XYLT1: variants seen among roughly 807,000 people sequenced by gnomAD.
XYLT1 encodes the protein xylosyltransferase 1.
A neutral mutation model predicts 91.3 loss-of-function variants in XYLT1; 36 were observed. That is an observed-to-expected ratio of 0.39 (90% CI 0.30 to 0.52). The LOEUF (loss-of-function observed/expected upper bound fraction) is 0.52. XYLT1 is among the 20% of genes least tolerant of loss of function. The probability of loss-of-function intolerance (pLI) is 0.68; values close to 1 mark genes in which losing one functional copy is unlikely to be tolerated. For synonymous variants in XYLT1, 588 were observed against 532.0 expected, an observed-to-expected ratio of 1.11 and a Z score of -1.45; for missense variants, 1,242 against 1,284.5, an observed-to-expected ratio of 0.97 and a Z score of 0.51.
chr16:17,406,070 A>C (rs2036029577), intron 1 of XYLT1, among the ~76,000 whole-genome samples: 2 of 152,150 alleles, frequency 1.3e-5, no homozygotes, highest in Middle Eastern at 3.2e-3. Context: ...CTGTAATCCC[A>C]GCTATTTGGA....
intron 1 of XYLT1, among the ~76,000 whole-genome samples, chr16:17,447,667 TG>T (rs1010903940): frequency 1.3e-5 from 2 of 152,220 alleles, no homozygotes; most frequent in African/African-American, 4.8e-5. Flanking sequence ...GAGGTGCTTA[TG>T]GGATGCTCTT....
chr16:17,259,861 C>T (rs1216365802), intron 2 of XYLT1, among the ~76,000 whole-genome samples: 1 of 152,082 alleles, frequency 6.6e-6, no homozygotes. Flanking sequence ...GCTGAAAGTG[C>T]TGTGATGGTT....
At chr16:17,226,558 C>T (rs1479187697) in intron 3 of XYLT1, among the ~76,000 whole-genome samples, 4 of 152,134 alleles carry the variant, frequency 2.6e-5, no homozygotes, top group African/African-American at 7.2e-5. Context: ...GAGGCTGAGG[C>T]GGGCAGATCA....
rs1378112906 is a variant in XYLT1, at chr16:17,107,092, G to A, written c.*1603C>T. On this transcript the variant is annotated 3_prime_UTR_variant, in exon 12 of 12. Coordinates refer to ENST00000261381, the MANE Select transcript of XYLT1 (RefSeq NM_022166.4). Reference sequence around the variant, plus strand: ...AAACAGCACCTACTAATTAGTCATCGACTAAAACATGTAAATAATAAATAT... The same window carrying A: ...AAACAGCACCTACTAATTAGTCATCAACTAAAACATGTAAATAATAAATAT... 5 of 152,082 alleles carry A rather than the reference G, an allele frequency of 3.3e-5. No individual in the cohort carries two copies. The highest frequency in any genetic ancestry group is 6.5e-5 in the Admixed American group (1 of 15,278). 9.4% of individuals were successfully genotyped at this position (152,082 alleles called of 1,614,324 possible).
At chr16:17,283,179 C>T (rs978289549) in intron 2 of XYLT1, among the ~76,000 whole-genome samples, 5 of 152,296 alleles carry the variant, frequency 3.3e-5, no homozygotes, top group South Asian at 2.1e-4. Context: ...CAGACTGGCA[C>T]GTCTGGAGGC....
intron 2 of XYLT1, among the ~76,000 whole-genome samples, chr16:17,291,674 C>A (rs1262470714): frequency 1.3e-5 from 2 of 152,118 alleles, no homozygotes; most frequent in Admixed American, 6.6e-5. Flanking sequence ...AGAAGGGGTA[C>A]AGGAATGAAA....
intron 1 of XYLT1, among the ~76,000 whole-genome samples, chr16:17,435,478 G>T (rs886646184): frequency 5.3e-5 from 8 of 152,188 alleles, no homozygotes; most frequent in Non-Finnish European, 1.2e-4. Flanking sequence ...AACGGCAGCT[G>T]CAGTAAACGA....
At position 17,470,577 on chromosome 16, in the gene XYLT1, G is replaced by A. The variant is rs1340160909; in HGVS notation, c.220C>T (p.Pro74Ser). Residue 74 changes from proline to serine, a missense_variant, in exon 1 of 12, where the codon CCG becomes TCG. Pro to Ser is a moderately conservative substitution (Grantham distance 74, BLOSUM62 -1). Transcript: ENST00000261381. Reference sequence around the variant, plus strand: ...CCTCCTCCTCCTCGGGCTGCAGCCGGCTCGGCGGGCAGGTCCCGGCGCTCC... The same window carrying A: ...CCTCCTCCTCCTCGGGCTGCAGCCGACTCGGCGGGCAGGTCCCGGCGCTCC... ...RRERRDLPAE[P>S]AAARGGGGGG... The A allele has an allele frequency of 1.3e-5, 16 of 1,197,222 alleles. No homozygotes were observed. Among genetic ancestry groups the A allele is most frequent in the Admixed American group, 9.0e-5 (2 of 22,266 alleles). The allele number at this position is 1,197,222 out of a possible 1,614,324, so 74.2% of individuals were successfully genotyped here. A position where few individuals can be genotyped will look rare whatever the true frequency, so the allele number is the denominator to read the frequency against.
chr16:17,243,251 T>C (rs2033375725), intron 3 of XYLT1, among the ~76,000 whole-genome samples: 1 of 152,226 alleles, frequency 6.6e-6, no homozygotes, highest in Non-Finnish European at 1.5e-5. Flanking sequence ...AAGACTATCA[T>C]CATTAGGGTG....
chr16:17,391,603 G>A (rs2035820212), intron 1 of XYLT1, among the ~76,000 whole-genome samples: 1 of 152,162 alleles, frequency 6.6e-6, no homozygotes, highest in South Asian at 2.1e-4. Context: ...CCACCACTAT[G>A]CTAACCCAAG....
intron 3 of XYLT1, among the ~76,000 whole-genome samples, chr16:17,209,110 C>A (rs998794614): frequency 3.9e-5 from 6 of 152,208 alleles, no homozygotes; most frequent in African/African-American, 1.4e-4. Context: ...ATCTCCAGAA[C>A]TCTTTTCATC....
chr16:17,314,234 G>A (rs1180723770), intron 2 of XYLT1, among the ~76,000 whole-genome samples: 1 of 152,176 alleles, frequency 6.6e-6, no homozygotes, highest in African/African-American at 2.4e-5. Flanking sequence ...TGGCCCTTAA[G>A]TTAACACGTC....
chr16:17,152,408 G>C (rs2031303312), intron 6 of XYLT1, among the ~76,000 whole-genome samples: 1 of 152,166 alleles, frequency 6.6e-6, no homozygotes, highest in South Asian at 2.1e-4. Flanking sequence ...TTGGGTTTAA[G>C]GAAAGCAAAA....
At chr16:17,213,217 G>A (rs749436969) in intron 3 of XYLT1, among the ~76,000 whole-genome samples, 1 of 152,070 alleles carries the variant, frequency 6.6e-6, no homozygotes, top group East Asian at 1.9e-4. Flanking sequence ...CTCTTGTTCC[G>A]GCCCTGTAAG....
chr16:17,429,932 A>AT (rs34434695), intron 1 of XYLT1, among the ~76,000 whole-genome samples: 9,635 of 119,292 alleles, frequency 0.081, 634 homozygotes, highest in African/African-American at 0.18. Context: ...TCCCATAATA[A>AT]TTTTTTTTTT....
chr16:17,331,785 CTG>C, intron 2 of XYLT1, among the ~76,000 whole-genome samples: 1 of 152,312 alleles, frequency 6.6e-6, no homozygotes, highest in Non-Finnish European at 1.5e-5. Context: ...CCCCACCACA[CTG>C]TGGTATAAGG....
At chr16:17,300,448 CTTTCTTT>C (rs2034376678) in intron 2 of XYLT1, among the ~76,000 whole-genome samples, 1 of 52,538 alleles carries the variant, frequency 1.9e-5, no homozygotes, top group Non-Finnish European at 3.7e-5. Context: ...TTCTTTCATT[CTTTCTTT>C]TTTTTTTTTT....
chr16:17,221,564 G>A (rs998020097), intron 3 of XYLT1, among the ~76,000 whole-genome samples: 4 of 152,132 alleles, frequency 2.6e-5, no homozygotes, highest in Admixed American at 6.5e-5. Context: ...ACTCCAACCT[G>A]CCTTAAATGT....
intron 2 of XYLT1, among the ~76,000 whole-genome samples, chr16:17,277,536 T>TG (rs1384214024): frequency 7.2e-5 from 11 of 152,046 alleles, no homozygotes; most frequent in Admixed American, 6.6e-4. Flanking sequence ...ATTACAGGGA[T>TG]GCACCACCAC....
Sources: gnomAD v4.1 joint callset for allele counts (sites outside exome capture counted in the v4.1 genomes callset) on GRCh38, gnomAD v4.1.1 for gene constraint, MANE v1.5 for transcripts, NCBI Gene and HGNC (gene_info 2026-07-23, HGNC 2026-07-21) for gene names.